The following SMAD6 variants were observed in gnomAD, a reference collection of about 807,000 sequenced individuals.
SMAD6 encodes MAD homolog 6.
In SMAD6, 103 loss-of-function variants were observed where a neutral mutation model predicts 39.4. The ratio of observed to expected loss-of-function variants is 2.62; its 90% CI spans 2.23 to 3.08. The LOEUF is 3.08. Ranked by LOEUF, SMAD6 falls within the 30% of genes most tolerant of loss-of-function variation. The probability of loss-of-function intolerance (pLI) is 0.00; values close to 1 mark genes in which losing one functional copy is unlikely to be tolerated. For synonymous variants in SMAD6, 445 were observed against 353.3 expected, an observed-to-expected ratio of 1.26 and a Z score of -2.91; for missense variants, 1,104 against 742.9, an observed-to-expected ratio of 1.49 and a Z score of -5.65.
At chr15:66,764,646 A>G (rs1330752433) in intron 3 of SMAD6, among the ~76,000 whole-genome samples, 2 of 152,142 alleles carry the variant, frequency 1.3e-5, no homozygotes, top group African/African-American at 4.8e-5. Flanking sequence ...TACTGTGGGT[A>G]AGGTTGACAT....
At chr15:66,718,110 CCG>C (rs1491260680) in intron 3 of SMAD6, among the ~76,000 whole-genome samples, 45 of 72,466 alleles carry the variant, frequency 6.2e-4, no homozygotes, top group African/African-American at 3.1e-3. Context: ...GATGGAAAGT[CCG>C]TGTGTGTGTG....
rs1445749398 is a variant in SMAD6 at position 66,702,439 on chromosome 15, G to C, written c.-820G>C. 1 of 152,082 alleles carries C rather than the reference G, an allele frequency of 6.6e-6. No homozygotes were observed. Among genetic ancestry groups the C allele is most frequent in the Admixed American group, 6.6e-5 (1 of 15,220 alleles). 9.4% of individuals were successfully genotyped at this position (152,082 alleles called of 1,614,324 possible). A position where few individuals can be genotyped will look rare whatever the true frequency, so the allele number is the denominator to read the frequency against. On this transcript the variant is annotated 5_prime_UTR_variant, in exon 1 of 4. Transcript: ENST00000288840. The stretch of plus-strand genomic sequence containing the variant: ...GGAGGCACTTTTGTGGAGGGGGGAG[G>C]GGGGGCGACCTCGGCAGCCTCGGCG...
intron 3 of SMAD6, among the ~76,000 whole-genome samples, chr15:66,774,660 T>A (rs112551504): frequency 3.3e-3 from 497 of 152,208 alleles, no homozygotes; most frequent in Non-Finnish European, 5.9e-3. Context: ...CAAGGTATCA[T>A]ACCTAAAATG....
chr15:66,770,213 G>C lies in SMAD6; in HGVS notation c.953-10784G>C, dbSNP rs966915788. ...ATGCACACCCAGGCTGTCCCTATCT[G>C]AACCCCCAAAGGGCCAATTTTGTCT... On this transcript the variant is annotated intron_variant, in intron 3 of 3. Coordinates refer to ENST00000288840, the MANE Select transcript of SMAD6 (RefSeq NM_005585.5). Among the ~76,000 whole-genome samples, 4 of 152,040 alleles carry C rather than the reference G, an allele frequency of 2.6e-5. No individual in the cohort carries two copies. The East Asian group carries it at 7.8e-4, about 30-fold the overall frequency.
At position 66,767,486 on chromosome 15, in the gene SMAD6, CT is replaced by C. The variant is rs1363382606; in HGVS notation, c.953-13508del. On this transcript the variant is annotated intron_variant, in intron 3 of 3. Transcript: ENST00000288840. The stretch of plus-strand genomic sequence containing the variant: ...CCCTGATCATTGTAACAAGCCAGCT[CT>C]TTCCTGGCAGCTTGGGAGCTTGGGC... Among the ~76,000 whole-genome samples, 3 of 152,168 alleles carry C rather than the reference CT, an allele frequency of 2.0e-5. No homozygotes were observed. The East Asian group carries it at 5.8e-4, about 29-fold the overall frequency.
chr15:66,731,354 C>T (rs924604285), intron 3 of SMAD6, among the ~76,000 whole-genome samples: 1 of 149,232 alleles, frequency 6.7e-6, no homozygotes, highest in Non-Finnish European at 1.5e-5. Flanking sequence ...AGGAGAATGG[C>T]GTGAACCCGG....
intron 3 of SMAD6, among the ~76,000 whole-genome samples, chr15:66,757,717 G>A (rs941150043): frequency 7.2e-5 from 11 of 152,216 alleles, no homozygotes; most frequent in African/African-American, 2.7e-4. Context: ...TCAGTGCCTG[G>A]AGGGGGTCTG....
intron 3 of SMAD6, among the ~76,000 whole-genome samples, chr15:66,738,448 C>T (rs944373917): frequency 6.6e-6 from 1 of 152,178 alleles, no homozygotes; most frequent in Non-Finnish European, 1.5e-5. Context: ...GGAGTGTCAA[C>T]GATCCTCCAG....
intron 2 of SMAD6, among the ~76,000 whole-genome samples, chr15:66,712,134 G>A (rs531386796): frequency 1.3e-5 from 2 of 152,302 alleles, no homozygotes; most frequent in African/African-American, 4.8e-5. Flanking sequence ...CAAATAGGTT[G>A]GGCATGAAGT....
chr15:66,745,876 G>A (rs1893898938), intron 3 of SMAD6, among the ~76,000 whole-genome samples: 1 of 152,204 alleles, frequency 6.6e-6, no homozygotes, highest in Admixed American at 6.5e-5. Context: ...GTGAAGTGAG[G>A]AGGACCTTTC....
At chr15:66,730,587 G>T (rs1893609696) in intron 3 of SMAD6, among the ~76,000 whole-genome samples, 1 of 149,204 alleles carries the variant, frequency 6.7e-6, no homozygotes, top group African/African-American at 2.5e-5. Context: ...TCATGCAGGA[G>T]GACATGGTGT....
At position 66,704,041 on chromosome 15, in the gene SMAD6, C is replaced by A; in HGVS notation, c.783C>A (p.Cys261Ter). Residue 261 changes from cysteine to a stop codon, truncating the protein, a stop_gained, in exon 1 of 4, where the codon TGC (cysteine) becomes TGA (stop). Coordinates refer to ENST00000288840, the MANE Select transcript of SMAD6 (RefSeq NM_005585.5). LOFTEE classifies it high-confidence loss of function. ...AAAADGPTVCCNPYHFSRLCG... is the reference protein window; with the variant it reads ...AAAADGPTVC ...CCGCCGACGGCCCTACCGTGTGCTGCAACCCCTACCACTTCAGCCGGCTCT... is the reference window on the plus strand; with the variant it reads ...CCGCCGACGGCCCTACCGTGTGCTGAAACCCCTACCACTTCAGCCGGCTCT... 6.6e-7 allele frequency: 1 copy of A among 1,511,312 alleles called. No homozygotes were observed. Among genetic ancestry groups the A allele is most frequent in the Non-Finnish European group, 8.8e-7 (1 of 1,139,028 alleles). The allele number at this position is 1,511,312 out of a possible 1,614,324, so 93.6% of individuals were successfully genotyped here.
At chr15:66,772,042 T>G (rs2140670505) in intron 3 of SMAD6, among the ~76,000 whole-genome samples, 1 of 152,268 alleles carries the variant, frequency 6.6e-6, no homozygotes, top group East Asian at 1.9e-4. Context: ...ACTGTCACCT[T>G]CGAGGATCCC....
intron 3 of SMAD6, among the ~76,000 whole-genome samples, chr15:66,736,404 T>C (rs1472537140): frequency 6.6e-6 from 1 of 152,172 alleles, no homozygotes; most frequent in Non-Finnish European, 1.5e-5. Context: ...CTACCTAGGT[T>C]ACACATCTTG....
intron 3 of SMAD6, among the ~76,000 whole-genome samples, chr15:66,748,366 C>T (rs1016410386): frequency 7.2e-5 from 11 of 152,154 alleles, no homozygotes; most frequent in Middle Eastern, 3.4e-3. Flanking sequence ...CTGTATAGTC[C>T]GGGATTATTA....
intron 3 of SMAD6, among the ~76,000 whole-genome samples, chr15:66,734,991 C>T (rs902485185): frequency 6.6e-5 from 10 of 152,336 alleles, no homozygotes; most frequent in Admixed American, 1.3e-4. Context: ...CAGGTAGGAC[C>T]GCCCAGGGTC....
chr15:66,711,219 G>C (rs1408174238), intron 1 of SMAD6, among the ~76,000 whole-genome samples: 2 of 152,204 alleles, frequency 1.3e-5, no homozygotes, highest in African/African-American at 4.8e-5. Flanking sequence ...TGAGCATCCG[G>C]TATTTTATCC....
intron 3 of SMAD6, among the ~76,000 whole-genome samples, chr15:66,753,011 CTG>C (rs1191396756): frequency 1.9e-4 from 29 of 152,260 alleles, no homozygotes; most frequent in Admixed American, 5.9e-4. Flanking sequence ...TTTCAGTGTG[CTG>C]TCTTACTGAA....
Position 66,703,061 on chromosome 15 carries a change from C to T in SMAD6, c.-198C>T, listed in dbSNP as rs1893009221. On this transcript the variant is annotated 5_prime_UTR_variant, in exon 1 of 4. Coordinates refer to ENST00000288840, the MANE Select transcript of SMAD6 (RefSeq NM_005585.5). ...GGCTCGGCGTGCGCGTGTTCCCGGCCGTCCCGCCTCGGCGAGCTCCCTCAT... is the reference window on the plus strand; with the variant it reads ...GGCTCGGCGTGCGCGTGTTCCCGGCTGTCCCGCCTCGGCGAGCTCCCTCAT... 1 of 412,180 alleles carries T rather than the reference C, an allele frequency of 2.4e-6. No homozygotes were observed. The highest frequency in any genetic ancestry group is 4.4e-6 in the Non-Finnish European group (1 of 227,660). The allele number at this position is 412,180 out of a possible 1,614,324, so 25.5% of individuals were successfully genotyped here.
Sources: gnomAD v4.1 joint callset for allele counts (sites outside exome capture counted in the v4.1 genomes callset) on GRCh38, gnomAD v4.1.1 for gene constraint, MANE v1.5 for transcripts, NCBI Gene and HGNC (gene_info 2026-07-23, HGNC 2026-07-21) for gene names.